SEMA6A: variants seen among roughly 807,000 people sequenced by gnomAD.
SEMA6A encodes semaphorin-6A.
A neutral mutation model predicts 96.8 loss-of-function variants in SEMA6A; 25 were observed. The ratio of observed to expected loss-of-function variants is 0.26; its 90% CI spans 0.19 to 0.36. The LOEUF (loss-of-function observed/expected upper bound fraction) is 0.36. SEMA6A is among the 10% of genes least tolerant of loss of function. SEMA6A has a pLI of 1.00. For synonymous variants in SEMA6A, 612 were observed against 518.0 expected (o/e 1.18, Z -2.46); for missense variants, 1,363 against 1,323.1 (o/e 1.03, Z -0.47).
chr5:116,468,656 A>G (rs954158265), intron 17 of SEMA6A: 1 of 152,210 alleles, frequency 6.6e-6, no homozygotes, highest in Non-Finnish European at 1.5e-5. Flanking sequence ...TACAGATTGT[A>G]TCAGGTGCTT....
chr5:116,452,134 C>T (rs1033189701), intron 18 of SEMA6A, among the ~76,000 whole-genome samples: 1 of 152,218 alleles, frequency 6.6e-6, no homozygotes, highest in Non-Finnish European at 1.5e-5. Flanking sequence ...AGAGAACAAT[C>T]AGAGTTGGCT....
Position 116,501,009 on chromosome 5 carries a change from C to T in SEMA6A, c.218+1201G>A, listed in dbSNP as rs151112138. On this transcript the variant is annotated intron_variant, in intron 3 of 18. Coordinates refer to ENST00000343348, the MANE Select transcript of SEMA6A (RefSeq NM_020796.5). Reference sequence around the variant, plus strand: ...CTGGACGATGGGAGTGAAACCCTGTCTCAAAAAAAAGCATAATCTTCATTT... The same window carrying T: ...CTGGACGATGGGAGTGAAACCCTGTTTCAAAAAAAAGCATAATCTTCATTT... Among the ~76,000 whole-genome samples, 628 of 151,896 alleles carry T rather than the reference C, an allele frequency of 4.1e-3. 6 individuals are homozygous for T. The highest frequency in any genetic ancestry group is 0.014 in the African/African-American group (582 of 41,468).
intron 4 of SEMA6A, 75 bp from the exon 5 acceptor site, chr5:116,496,388 G>C: frequency 7.8e-7 from 1 of 1,275,578 alleles, no homozygotes. Flanking sequence ...GAGTTCCCTT[G>C]GGGAGACTAA....
rs189459495 is a variant in SEMA6A at position 116,456,871 on chromosome 5, T to G, written c.1895-9060A>C. Reference sequence around the variant, plus strand: ...TCAACTTACAGCTATTAAGCAACGTTTGAGAATGGTTTAGGGGATGCCAAA... The same window carrying G: ...TCAACTTACAGCTATTAAGCAACGTGTGAGAATGGTTTAGGGGATGCCAAA... On this transcript the variant is annotated intron_variant, in intron 18 of 18. Transcript: ENST00000343348. Among the ~76,000 whole-genome samples the G allele has an allele frequency of 4.2e-3, 638 of 152,312 alleles. 7 individuals are homozygous for G. Among genetic ancestry groups the G allele is most frequent in the African/African-American group, 0.015 (608 of 41,580 alleles).
chr5:116,444,979 G>A lies in SEMA6A; in HGVS notation c.*1634C>T, dbSNP rs1754096132. On this transcript the variant is annotated 3_prime_UTR_variant, in exon 19 of 19. Coordinates refer to ENST00000343348, the MANE Select transcript of SEMA6A (RefSeq NM_020796.5). ...GTATTGAAATAATCTAAGGGAAGCA[G>A]GGAGCTCTTGAGGATGAAAGGGGAT... 1 of 152,700 alleles carries A rather than the reference G, an allele frequency of 6.5e-6. No individual in the cohort carries two copies. The highest frequency in any genetic ancestry group is 1.5e-5 in the Non-Finnish European group (1 of 68,062). The allele number at this position is 152,700 out of a possible 1,614,324, so 9.5% of individuals were successfully genotyped here.
chr5:116,563,828 C>G (rs1383125032), intron 1 of SEMA6A, among the ~76,000 whole-genome samples: 2 of 152,182 alleles, frequency 1.3e-5, no homozygotes, highest in East Asian at 3.8e-4. Flanking sequence ...ATGAACAGAA[C>G]CTATTTTCTT....
At chr5:116,460,826 C>A (rs1226115291) in intron 18 of SEMA6A, among the ~76,000 whole-genome samples, 1 of 148,696 alleles carries the variant, frequency 6.7e-6, no homozygotes, top group African/African-American at 2.5e-5. Context: ...CCCTCTGTCA[C>A]CCAGGCTGGA....
chr5:116,461,439 G>A (rs746513768), intron 18 of SEMA6A, among the ~76,000 whole-genome samples: 27 of 151,732 alleles, frequency 1.8e-4, no homozygotes, highest in Non-Finnish European at 3.7e-4. Context: ...CTAATAAAAG[G>A]AATGCAAATT....
intron 1 of SEMA6A, among the ~76,000 whole-genome samples, chr5:116,548,134 C>T (rs1406393788): frequency 2.6e-5 from 4 of 152,194 alleles, no homozygotes; most frequent in African/African-American, 7.2e-5. Flanking sequence ...GGTATCAATA[C>T]AGCTGGACAC....
chr5:116,550,541 G>T (rs571487688), intron 1 of SEMA6A: 54 of 152,262 alleles, frequency 3.5e-4, no homozygotes, highest in Admixed American at 8.5e-4. Flanking sequence ...CAGAAATGTT[G>T]ATCTAATCTT....
chr5:116,478,591 G>A lies in SEMA6A; in HGVS notation c.1378C>T (p.Leu460=), dbSNP rs1425901561. 5.0e-6 allele frequency: 8 copies of A among 1,613,070 alleles called. No individual in the cohort carries two copies. Among genetic ancestry groups the A allele is most frequent in the Non-Finnish European group, 5.9e-6 (7 of 1,179,626 alleles). Residue 460 remains leucine (L), a synonymous_variant, in exon 13 of 19, where the codon CTA becomes TTA. Coordinates refer to ENST00000343348, the MANE Select transcript of SEMA6A (RefSeq NM_020796.5). ...FLARIGNSGF[L]NDSLFLEEMS... is the part of the protein sequence containing the mutation. ...TCCTCCAGGAAAAGGCTGTCATTTA[G>A]AAAACCACTATTTCCTATTCTGGCC...
intron 18 of SEMA6A, among the ~76,000 whole-genome samples, chr5:116,459,872 C>T (rs909976852): frequency 6.6e-6 from 1 of 152,094 alleles, no homozygotes; most frequent in Admixed American, 6.6e-5. Flanking sequence ...TCTTCTGTAA[C>T]ACTCAGCATA....
At chr5:116,527,422 A>T (rs1433356802) in intron 1 of SEMA6A, among the ~76,000 whole-genome samples, 1 of 152,220 alleles carries the variant, frequency 6.6e-6, no homozygotes, top group Non-Finnish European at 1.5e-5. Context: ...ATGCTTCAAT[A>T]CGAGGAAATA....
At position 116,447,770 on chromosome 5, in the gene SEMA6A, C is replaced by G. The variant is rs751775618; in HGVS notation, c.1936G>C (p.Val646Leu). ...ESYLKGHDQL[V>L]PVTLLAIAVI... ...GCAATGGCCAAGAGGGTGACGGGAA[C>G]CAGCTGGTCGTGGCCTTTGAGGTAA... The change falls in exon 19 of 19, where the codon GTT (valine) becomes CTT (leucine). Residue 646 changes from valine to leucine, a missense_variant. This residue lies in a region of SEMA6A where 883 missense variants were observed against 763.6 expected (regional missense o/e 1.16). Transcript: ENST00000343348. The G allele has an allele frequency of 6.2e-7, 1 of 1,609,984 alleles. No individual in the cohort carries two copies. The highest frequency in any genetic ancestry group is 8.5e-7 in the Non-Finnish European group (1 of 1,176,770).
chr5:116,550,050 T>C (rs547054420), intron 1 of SEMA6A: 5 of 152,290 alleles, frequency 3.3e-5, no homozygotes, highest in Non-Finnish European at 7.4e-5. Flanking sequence ...TGCATTGCTT[T>C]AGGATTTGAG....
At chr5:116,527,423 C>A (rs1200584090) in intron 1 of SEMA6A, among the ~76,000 whole-genome samples, 1 of 152,136 alleles carries the variant, frequency 6.6e-6, no homozygotes, top group Non-Finnish European at 1.5e-5. Flanking sequence ...TGCTTCAATA[C>A]GAGGAAATAC....
intron 9 of SEMA6A, 108 bp from the exon 10 acceptor site, chr5:116,487,074 T>A: frequency 1.4e-6 from 1 of 713,560 alleles, no homozygotes. Context: ...AGGTGCTTAA[T>A]ACTGTTTCTA....
chr5:116,452,564 A>C (rs745635062), intron 18 of SEMA6A, among the ~76,000 whole-genome samples: 4 of 152,206 alleles, frequency 2.6e-5, no homozygotes, highest in Non-Finnish European at 5.9e-5. Context: ...GTGATTCAAA[A>C]TAAGAACAAT....
At chr5:116,454,240 A>C (rs570515106) in intron 18 of SEMA6A, among the ~76,000 whole-genome samples, 1 of 152,290 alleles carries the variant, frequency 6.6e-6, no homozygotes, top group Admixed American at 6.5e-5. Flanking sequence ...TGAGCCAGAG[A>C]GGGTTTGTGT....
Sources: allele counts gnomAD v4.1 joint callset (sites outside exome capture counted in the v4.1 genomes callset), GRCh38; gene constraint gnomAD v4.1.1; regional missense constraint gnomAD v4.1.1; transcripts MANE v1.5; gene names NCBI Gene and HGNC (gene_info 2026-07-23, HGNC 2026-07-21).